DMTN: variants seen among roughly 807,000 people sequenced by gnomAD.
DMTN encodes dematin.
A neutral mutation model predicts 59.4 loss-of-function variants in DMTN; 27 were observed. The observed-to-expected ratio is 0.45, with a 90% CI of 0.33 to 0.63. The LOEUF (loss-of-function observed/expected upper bound fraction) is 0.63, where lower values mean the gene tolerates loss of function less well. DMTN is among the 20% of genes least tolerant of loss of function. The pLI is 0.02. For synonymous variants in DMTN, 221 were observed against 203.7 expected (o/e 1.08, Z -0.72); for missense variants, 451 against 528.9 (o/e 0.85, Z 1.45).
In DMTN at chr8:22,069,949, C is replaced by A. The variant is rs7386762; in HGVS notation, c.451+12C>A. 1.5e-5 allele frequency: 24 copies of A among 1,613,798 alleles called. No homozygotes were observed. Among genetic ancestry groups the A allele is most frequent in the Admixed American group, 1.0e-4 (6 of 59,988 alleles). ...CTATAAGCAGAGAGGTGAGGGCGCC[C>A]CTGGCTCACCAGAGCCTGCTTCCGG... On this transcript the variant is annotated intron_variant, in intron 7 of 15. Coordinates refer to ENST00000358242, the MANE Select transcript of DMTN (RefSeq NM_001387751.1).
rs771363592 is a variant in DMTN at position 22,070,276 on chromosome 8, C to T, written c.546C>T (p.Asn182=). ...KFPAAQPPDP[N]QPAKIETDYW... is the part of the protein sequence containing the mutation. ...CTGCAGCCCAGCCCCCAGACCCCAA[C>T]CAGCCAGCCAAAATCGAAACCGACT... The change falls in exon 8 of 16, where the codon AAC becomes AAT. Residue 182 remains asparagine, a synonymous_variant. Coordinates refer to ENST00000358242, the MANE Select transcript of DMTN (RefSeq NM_001387751.1). 8.7e-6 allele frequency: 14 copies of T among 1,613,716 alleles called. No homozygotes were observed. In the Admixed American group the frequency reaches 1.7e-4, roughly 19 times the overall value.
Position 22,067,484 on chromosome 8 carries a change from G to C in DMTN, c.94-43G>C, listed in dbSNP as rs1222363811. The C allele has an allele frequency of 3.1e-6, 5 of 1,611,220 alleles. No homozygotes were observed. In the South Asian group the frequency reaches 5.5e-5, roughly 18 times the overall value. ...AGCTAGCAGGGCCAGTGTCCTAGGC[G>C]GGGCTTTCGGCACAGCAGTTTCACG... On this transcript the variant is annotated intron_variant, in intron 3 of 15. Transcript: ENST00000358242.
intron 11 of DMTN, 32 bp from the exon 12 acceptor site, chr8:22,080,380 G>C (rs762611055): frequency 3.7e-6 from 6 of 1,613,976 alleles, no homozygotes; most frequent in African/African-American, 2.7e-5. Context: ...GAATATCCCC[G>C]ACTGCCTCTG....
chr8:22,059,743 A>G (rs919625473), intron 1 of DMTN, among the ~76,000 whole-genome samples: 3 of 152,224 alleles, frequency 2.0e-5, no homozygotes, highest in African/African-American at 4.8e-5. Context: ...AGGGGCTGCC[A>G]CCAAGCAGGT....
Position 22,069,533 on chromosome 8 carries a change from C to G in DMTN, c.394+15C>G, listed in dbSNP as rs1426225211. The G allele has an allele frequency of 1.3e-6, 2 of 1,574,942 alleles. No individual in the cohort carries two copies. Among genetic ancestry groups the G allele is most frequent in the Non-Finnish European group, 1.7e-6 (2 of 1,158,446 alleles). ...CCACCACCCTGGTAGGTCTTCTCGG[C>G]ACGACCTCATTGTTTCCTAAGACTT... On this transcript the variant is annotated intron_variant, in intron 6 of 15. Coordinates refer to ENST00000358242, the MANE Select transcript of DMTN (RefSeq NM_001387751.1).
chr8:22,067,069 T>G lies in DMTN; in HGVS notation c.19-16T>G. The G allele has an allele frequency of 2.4e-6, 3 of 1,262,346 alleles. No homozygotes were observed. The highest frequency in any genetic ancestry group is 2.1e-6 in the Non-Finnish European group (2 of 967,116). 78.2% of individuals were successfully genotyped at this position (1,262,346 alleles called of 1,614,324 possible). ...ACACGCACGTGCCCACCCGCCCGCCTTCTCGCTCTCCCCAGCAACCACTTA... is the reference window on the plus strand; with the variant it reads ...ACACGCACGTGCCCACCCGCCCGCCGTCTCGCTCTCCCCAGCAACCACTTA... On this transcript the variant is annotated splice_polypyrimidine_tract_variant and intron_variant, in intron 2 of 15. Transcript: ENST00000358242.
intron 10 of DMTN, among the ~76,000 whole-genome samples, chr8:22,079,007 C>T (rs1436255300): frequency 1.3e-5 from 2 of 151,256 alleles, no homozygotes; most frequent in Non-Finnish European, 2.9e-5. Context: ...ACCATGTTAG[C>T]CAGGATGGTC....
intron 10 of DMTN, among the ~76,000 whole-genome samples, chr8:22,076,674 CAT>C (rs202150459): frequency 2.0e-5 from 3 of 151,162 alleles, no homozygotes; most frequent in Middle Eastern, 3.4e-3. Flanking sequence ...TATACAGTGA[CAT>C]ATATATATAG....
At chr8:22,055,020 C>T (rs1481173040), upstream of DMTN, 1 of 152,816 alleles carries the variant, frequency 6.5e-6, no homozygotes, top group Non-Finnish European at 1.5e-5. Flanking sequence ...ACCGAGCACC[C>T]TCCCCTCCTT....
intron 1 of DMTN, among the ~76,000 whole-genome samples, chr8:22,061,046 A>C (rs1805950821): frequency 6.6e-6 from 1 of 151,946 alleles, no homozygotes; most frequent in Admixed American, 6.6e-5. Flanking sequence ...CAGAGGTGGG[A>C]GGATCACTTG....
upstream of DMTN, chr8:22,055,150 C>T (rs1261531307): frequency 6.5e-6 from 1 of 152,738 alleles, no homozygotes; most frequent in Non-Finnish European, 1.5e-5. Flanking sequence ...TCACCCACCT[C>T]GTTCCAGGCC....
chr8:22,067,817 C>G (rs1240443359), intron 4 of DMTN, 135 bp downstream of exon 4: 2 of 1,053,286 alleles, frequency 1.9e-6, no homozygotes, highest in Admixed American at 2.6e-5. Flanking sequence ...TGCGCAGGAA[C>G]CAACCAGTCA....
At position 22,080,406 on chromosome 8, in the gene DMTN, T is replaced by C. The variant is rs973741909; in HGVS notation, c.901-6T>C. On this transcript the variant is annotated splice_region_variant and splice_polypyrimidine_tract_variant and intron_variant, in intron 11 of 15. Transcript: ENST00000358242. ...ACTGCCTCTGATTCCTTTGTGTCCT[T>C]TCTAGCTACAGTCCACAGAGTTCAG... 1.2e-6 allele frequency: 2 copies of C among 1,614,102 alleles called. No homozygotes were observed. The highest frequency in any genetic ancestry group is 2.7e-5 in the African/African-American group (2 of 74,932).
intron 5 of DMTN, 164 bp from the exon 6 acceptor site, chr8:22,069,255 G>A (rs1813262447): frequency 2.2e-5 from 19 of 849,802 alleles, no homozygotes; most frequent in South Asian, 8.9e-5. Flanking sequence ...CCTGGGCCAG[G>A]CACCATCAGT....
rs146626785 is a variant in DMTN, at chr8:22,081,121, C to T, written c.1032C>T (p.Pro344=). 6.8e-7 allele frequency: 1 copy of T among 1,466,306 alleles called. No individual in the cohort carries two copies. The highest frequency in any genetic ancestry group is 9.3e-7 in the Non-Finnish European group (1 of 1,075,632). The allele number at this position is 1,466,306 out of a possible 1,614,324, so 90.8% of individuals were successfully genotyped here. A position where few individuals can be genotyped will look rare whatever the true frequency, so the allele number is the denominator to read the frequency against. The change falls in exon 15 of 16, where the codon CCC becomes CCT. Residue 344 remains proline (P), a synonymous_variant. Coordinates refer to ENST00000358242, the MANE Select transcript of DMTN (RefSeq NM_001387751.1). The part of the protein sequence containing the change: ...LPCVLEQKIY[P]YEMLVVTNKG... ...CCTCCCCCCACCCCCAGATCTATCC[C>T]TATGAAATGCTAGTGGTGACCAACA...
chr8:22,081,290 A>G, intron 15 of DMTN, 60 bp from the exon 16 acceptor site: 1 of 1,581,380 alleles, frequency 6.3e-7, no homozygotes, highest in Admixed American at 1.7e-5. Context: ...AGTGTCCCCT[A>G]GGTCACTGGG....
At chr8:22,052,216 T>C (rs1459379202), upstream of DMTN, among the ~76,000 whole-genome samples, 1 of 152,248 alleles carries the variant, frequency 6.6e-6, no homozygotes, top group East Asian at 1.9e-4. Flanking sequence ...TCCAGAACTG[T>C]CATGATGTAT....
At chr8:22,067,703 C>G (rs6997244) in intron 4 of DMTN, 21 bp downstream of exon 4, 1,321,090 of 1,611,536 alleles carry the variant, frequency 0.82, 544,962 homozygotes, top group East Asian at 0.98. Context: ...TCCTCTTGGG[C>G]AGGACTCCGG....
At chr8:22,054,447 G>A (rs1801779923), upstream of DMTN, among the ~76,000 whole-genome samples, 1 of 152,140 alleles carries the variant, frequency 6.6e-6, no homozygotes, top group African/African-American at 2.4e-5. Flanking sequence ...CGGCAGAGGT[G>A]TGGGGCCCGC....
Sources: gnomAD v4.1 joint callset for allele counts (sites outside exome capture counted in the v4.1 genomes callset) on GRCh38, gnomAD v4.1.1 for gene constraint, MANE v1.5 for transcripts, NCBI Gene and HGNC (gene_info 2026-07-23, HGNC 2026-07-21) for gene names.